Variants in DPY19L4 observed in about 807,000 individuals in gnomAD.
DPY19L4 encodes probable C-mannosyltransferase DPY19L4.
DPY19L4 carries 97 observed loss-of-function variants against 102.8 expected under a neutral mutation model. That is an observed-to-expected ratio of 0.94 (90% CI 0.80 to 1.12). The LOEUF is 1.12. Among genes scored for constraint, DPY19L4 ranks in the 50% most tolerant of loss-of-function variants. DPY19L4 has a pLI of 0.00. For missense variants in DPY19L4, 815 were observed against 850.4 expected (o/e 0.96, Z 0.52); for synonymous variants, 252 against 283.1 (o/e 0.89, Z 1.10).
At chr8:94,721,528 G>T (rs1436799895) in intron 1 of DPY19L4, among the ~76,000 whole-genome samples, 1 of 152,182 alleles carries the variant, frequency 6.6e-6, no homozygotes, top group Non-Finnish European at 1.5e-5. Context: ...TGTGGTTACA[G>T]TATATCATCA....
chr8:94,744,445 C>T (rs1255806040), intron 6 of DPY19L4: 1 of 456,698 alleles, frequency 2.2e-6, no homozygotes, highest in Admixed American at 2.3e-5. Flanking sequence ...ATAACCTCAT[C>T]TTAGAAATGA....
chr8:94,761,211 A>G (rs1420201521), intron 7 of DPY19L4, among the ~76,000 whole-genome samples: 2 of 152,136 alleles, frequency 1.3e-5, no homozygotes, highest in Non-Finnish European at 2.9e-5. Flanking sequence ...AGAGATCGCA[A>G]CTCCAGAAAG....
intron 17 of DPY19L4, among the ~76,000 whole-genome samples, chr8:94,786,874 T>G (rs1417771216): frequency 2.0e-5 from 3 of 151,950 alleles, no homozygotes; most frequent in African/African-American, 7.3e-5. Context: ...TTACACAGAG[T>G]CTCTAATTCA....
In DPY19L4 at chr8:94,776,802, T is replaced by TA. The variant is rs544032583; in HGVS notation, c.1455-859dup. Reference sequence around the variant, plus strand: ...CAACACGGTGAAACCTGGTCTCTACTAAAAATGCAGAAATTAGCTGGGCGT... The same window carrying TA: ...CAACACGGTGAAACCTGGTCTCTACTAAAAAATGCAGAAATTAGCTGGGCGT... On this transcript the variant is annotated intron_variant, in intron 13 of 18. Transcript: ENST00000414645. Among the ~76,000 whole-genome samples the TA allele has an allele frequency of 4.8e-3, 736 of 151,770 alleles. 5 individuals carry two copies. The highest frequency in any genetic ancestry group is 0.017 in the African/African-American group (705 of 41,410).
rs558446623 is a variant in DPY19L4, at chr8:94,792,561, A to G, written c.*2651A>G. ...CTGCGCCCGGCGCAAGTCTTTGTTA[A>G]AAGTAGAGATGGAGGCCAGGCGCAG... On this transcript the variant is annotated 3_prime_UTR_variant, in exon 19 of 19. Coordinates refer to ENST00000414645, the MANE Select transcript of DPY19L4 (RefSeq NM_181787.3). The G allele has an allele frequency of 6.6e-6, 1 of 151,170 alleles. No individual in the cohort carries two copies. The highest frequency in any genetic ancestry group is 2.1e-4 in the South Asian group (1 of 4,706). The allele number at this position is 151,170 out of a possible 1,614,324, so 9.4% of individuals were successfully genotyped here. A position where few individuals can be genotyped will look rare whatever the true frequency, so the allele number is the denominator to read the frequency against.
At chr8:94,727,923 G>T (rs1162648962) in intron 2 of DPY19L4, among the ~76,000 whole-genome samples, 1 of 152,116 alleles carries the variant, frequency 6.6e-6, no homozygotes, top group Non-Finnish European at 1.5e-5. Flanking sequence ...AGCCAAGAGA[G>T]CCTACCTTGC....
intron 4 of DPY19L4, among the ~76,000 whole-genome samples, chr8:94,738,803 C>T (rs1055853366): frequency 2.6e-5 from 4 of 152,022 alleles, no homozygotes; most frequent in African/African-American, 9.7e-5. Context: ...TGAACCACTG[C>T]GCCCGGCTGT....
At chr8:94,734,547 CCATAGA>C in intron 2 of DPY19L4, 77 bp from the exon 3 acceptor site, 1 of 1,415,790 alleles carries the variant, frequency 7.1e-7, no homozygotes, top group East Asian at 2.5e-5. Flanking sequence ...GGGACAAAGA[CCATAGA>C]GGTAGAATGC....
intron 3 of DPY19L4, among the ~76,000 whole-genome samples, chr8:94,737,541 T>G (rs1189910773): frequency 1.3e-5 from 2 of 151,812 alleles, no homozygotes; most frequent in Non-Finnish European, 2.9e-5. Context: ...CCCAACACTT[T>G]AGGAGGCCGA....
At chr8:94,720,037 C>G (rs1198703339) in intron 1 of DPY19L4, 23 bp downstream of exon 1, 1 of 1,524,386 alleles carries the variant, frequency 6.6e-7, no homozygotes. Context: ...GGGTCCAGCG[C>G]GCCAACGGCT....
chr8:94,791,380 G>A lies in DPY19L4; in HGVS notation c.*1470G>A, dbSNP rs1813880883. 6.6e-6 allele frequency: 1 copy of A among 152,164 alleles called. No individual in the cohort carries two copies. The highest frequency in any genetic ancestry group is 6.5e-5 in the Admixed American group (1 of 15,274). 9.4% of individuals were successfully genotyped at this position (152,164 alleles called of 1,614,324 possible). A position where few individuals can be genotyped will look rare whatever the true frequency, so the allele number is the denominator to read the frequency against. Reference sequence around the variant, plus strand: ...TCAGATGCTTTGCTCTTTTGGAGCTGAAGAATTGTTTGATGGTGATGTCAT... The same window carrying A: ...TCAGATGCTTTGCTCTTTTGGAGCTAAAGAATTGTTTGATGGTGATGTCAT... On this transcript the variant is annotated 3_prime_UTR_variant, in exon 19 of 19. Transcript: ENST00000414645.
chr8:94,722,814 C>G (rs1354914784), intron 1 of DPY19L4, among the ~76,000 whole-genome samples: 1 of 152,116 alleles, frequency 6.6e-6, no homozygotes, highest in Non-Finnish European at 1.5e-5. Context: ...TCTCCGCGTC[C>G]CATCTTGCTT....
Position 94,788,015 on chromosome 8 carries a change from G to GTTAGACA in DPY19L4, c.1971_1972insTAGACAT (p.Arg658Ter). 4.0e-6 allele frequency: 6 copies of GTTAGACA among 1,497,136 alleles called. No individual in the cohort carries two copies. Among genetic ancestry groups the GTTAGACA allele is most frequent in the Non-Finnish European group, 5.3e-6 (6 of 1,124,570 alleles). The allele number at this position is 1,497,136 out of a possible 1,614,324, so 92.7% of individuals were successfully genotyped here. On this transcript the variant is annotated stop_gained and frameshift_variant, in exon 18 of 19. Transcript: ENST00000414645. LOFTEE classifies it high-confidence loss of function. ...AATGAGGTGGGACCCATGAGAGGCT[G>GTTAGACA]TAGGGTTAAAGATTTATTAGACATT...
chr8:94,737,304 C>T (rs1386286492), intron 3 of DPY19L4, among the ~76,000 whole-genome samples: 1 of 151,922 alleles, frequency 6.6e-6, no homozygotes, highest in Non-Finnish European at 1.5e-5. Context: ...TCCCACCTCC[C>T]GAGTAGCTGG....
At chr8:94,774,120 T>C (rs1052157345) in intron 13 of DPY19L4, among the ~76,000 whole-genome samples, 1 of 150,974 alleles carries the variant, frequency 6.6e-6, no homozygotes, top group Non-Finnish European at 1.5e-5. Context: ...CACAGCTCAC[T>C]GTGCTCTCGA....
At position 94,767,491 on chromosome 8, in the gene DPY19L4, C is replaced by T. The variant is rs548273126; in HGVS notation, c.1175+806C>T. Among the ~76,000 whole-genome samples the T allele has an allele frequency of 1.1e-4, 16 of 152,134 alleles. No individual in the cohort carries two copies. In the East Asian group the frequency reaches 2.9e-3, roughly 28 times the overall value. The stretch of plus-strand genomic sequence containing the variant: ...TGTATTTTTAGTAGAGACGGGGTTT[C>T]ACTGTGTTAGTCAGGATGGCCTCGA... On this transcript the variant is annotated intron_variant, in intron 11 of 18. Transcript: ENST00000414645.
intron 13 of DPY19L4, among the ~76,000 whole-genome samples, chr8:94,775,646 A>G (rs1030493227): frequency 6.6e-6 from 1 of 152,128 alleles, no homozygotes; most frequent in African/African-American, 2.4e-5. Flanking sequence ...CATTTTCTCC[A>G]TTCCATGGCT....
chr8:94,725,067 A>G (rs576314072), intron 1 of DPY19L4, among the ~76,000 whole-genome samples: 12 of 152,238 alleles, frequency 7.9e-5, no homozygotes, highest in Admixed American at 3.3e-4. Flanking sequence ...CAAGTTTGCT[A>G]TGAAGCTATT....
At chr8:94,787,204 A>G (rs926771074) in intron 17 of DPY19L4, among the ~76,000 whole-genome samples, 2 of 152,166 alleles carry the variant, frequency 1.3e-5, no homozygotes, top group African/African-American at 4.8e-5. Context: ...TAATGCCCCA[A>G]TAGTATGTTT....
Sources: gnomAD v4.1 joint callset for allele counts (sites outside exome capture counted in the v4.1 genomes callset) on GRCh38, gnomAD v4.1.1 for gene constraint, MANE v1.5 for transcripts, NCBI Gene and HGNC (gene_info 2026-07-23, HGNC 2026-07-21) for gene names.